The following POLN variants were observed in gnomAD, a reference collection of about 807,000 sequenced individuals.
The protein encoded by POLN is DNA polymerase N.
A neutral mutation model predicts 113.5 loss-of-function variants in POLN; 108 were observed. The ratio of observed to expected loss-of-function variants is 0.95; its 90% CI spans 0.81 to 1.12. The LOEUF (loss-of-function observed/expected upper bound fraction) is 1.12. Among genes scored for constraint, POLN ranks in the 50% most tolerant of loss-of-function variants. POLN has a pLI of 0.00. For missense variants in POLN, 1,097 were observed against 1,077.1 expected, an observed-to-expected ratio of 1.02 and a Z score of -0.26; for synonymous variants, 386 against 391.5, an observed-to-expected ratio of 0.99 and a Z score of 0.17.
intron 13 of POLN, among the ~76,000 whole-genome samples, chr4:2,160,379 C>T (rs1051267152): frequency 1.1e-4 from 16 of 148,444 alleles, no homozygotes; most frequent in East Asian, 3.9e-4. Flanking sequence ...TTGGAAATAT[C>T]TTCTCTCCTT....
At chr4:2,184,868 A>T (rs563778266) in intron 7 of POLN, among the ~76,000 whole-genome samples, 182 of 152,314 alleles carry the variant, frequency 1.2e-3, no homozygotes, top group Admixed American at 2.0e-3. Context: ...TTAAATCCAT[A>T]TGCTCATAAT....
intron 7 of POLN, among the ~76,000 whole-genome samples, chr4:2,191,646 G>A (rs973896247): frequency 2.0e-4 from 31 of 151,372 alleles, no homozygotes; most frequent in South Asian, 8.3e-4. Context: ...TTTTTAGAAG[G>A]AAAAAAAAGA....
At chr4:2,097,712 C>T (rs1418070144) in intron 19 of POLN, among the ~76,000 whole-genome samples, 2 of 152,146 alleles carry the variant, frequency 1.3e-5, no homozygotes. Context: ...GCTTGTTCCC[C>T]AGACTGGTCT....
At chr4:2,100,166 C>G (rs1393381047) in intron 19 of POLN, among the ~76,000 whole-genome samples, 1 of 151,590 alleles carries the variant, frequency 6.6e-6, no homozygotes, top group Non-Finnish European at 1.5e-5. Flanking sequence ...GATTTTAAGT[C>G]ATAAAATTGC....
chr4:2,226,753 G>A (rs190178507), intron 3 of POLN, among the ~76,000 whole-genome samples: 2 of 152,236 alleles, frequency 1.3e-5, no homozygotes, highest in Admixed American at 1.3e-4. Context: ...AAGTAAATAT[G>A]TGTAGTTTAT....
Position 2,100,086 on chromosome 4 carries a change from G to GA in POLN, c.1983-4154dup, listed in dbSNP as rs757827215. On this transcript the variant is annotated intron_variant, in intron 19 of 25. Transcript: ENST00000511885. ...CCCTGTCTCAAAAAAGAAAAAAAAA[G>GA]AAAAAGAAAAAAGAGAGAGAGAGAT... is the stretch of plus-strand genomic sequence containing the variant. 1.5e-4 allele frequency among the ~76,000 whole-genome samples: 22 copies of GA among 145,094 alleles called. No homozygotes were observed. The South Asian group carries it at 1.9e-3, about 13-fold the overall frequency.
intron 3 of POLN, among the ~76,000 whole-genome samples, chr4:2,226,895 A>G (rs1287013847): frequency 6.6e-6 from 1 of 152,242 alleles, no homozygotes; most frequent in Non-Finnish European, 1.5e-5. Flanking sequence ...AAGAATCCAG[A>G]GTCAATTAAA....
intron 21 of POLN, 83 bp from the exon 22 acceptor site, chr4:2,081,826 CCA>C: frequency 8.5e-7 from 1 of 1,174,048 alleles, no homozygotes; most frequent in Non-Finnish European, 1.3e-6. Flanking sequence ...GGTCCAGAGG[CCA>C]CAGAGGGACA....
At chr4:2,128,076 T>C (rs112028615) in intron 19 of POLN, 37 bp downstream of exon 19, 1 of 1,329,830 alleles carries the variant, frequency 7.5e-7, no homozygotes, top group Non-Finnish European at 1.1e-6. Context: ...TTGGCCTTCC[T>C]GCAGATCTGA....
intron 16 of POLN, among the ~76,000 whole-genome samples, chr4:2,153,780 T>C (rs1483278356): frequency 6.6e-6 from 1 of 151,464 alleles, no homozygotes. Context: ...GAGACGGGGT[T>C]TCACTGTGTA....
intron 8 of POLN, 83 bp downstream of exon 8, chr4:2,179,225 T>C (rs1733071827): frequency 7.8e-7 from 1 of 1,276,504 alleles, no homozygotes; most frequent in Non-Finnish European, 1.1e-6. Context: ...CTTTTTACTA[T>C]TAGGCTATCA....
intron 21 of POLN, among the ~76,000 whole-genome samples, chr4:2,082,080 G>A (rs947848723): frequency 2.7e-5 from 4 of 150,604 alleles, no homozygotes; most frequent in African/African-American, 9.8e-5. Flanking sequence ...TCAGCCTCCT[G>A]AGTAGCTGGG....
intron 19 of POLN, among the ~76,000 whole-genome samples, chr4:2,096,679 C>T (rs868096976): frequency 1.2e-4 from 10 of 84,292 alleles, no homozygotes; most frequent in South Asian, 3.9e-4. Context: ...ATTCAGAAGC[C>T]GAGAGAAAGA....
intron 16 of POLN, among the ~76,000 whole-genome samples, chr4:2,144,530 T>G (rs949791805): frequency 2.5e-4 from 38 of 152,304 alleles, no homozygotes; most frequent in Non-Finnish European, 4.4e-4. Context: ...CCAGCTATTA[T>G]GAAAAATGCT....
intron 16 of POLN, among the ~76,000 whole-genome samples, chr4:2,150,348 GA>G (rs1217103216): frequency 6.6e-6 from 1 of 151,728 alleles, no homozygotes; most frequent in Non-Finnish European, 1.5e-5. Context: ...TCAAAGCAGA[GA>G]ACAATACCAG....
intron 19 of POLN, among the ~76,000 whole-genome samples, chr4:2,103,701 G>A (rs1466350791): frequency 3.3e-5 from 5 of 152,148 alleles, no homozygotes; most frequent in African/African-American, 4.8e-5. Context: ...TCTAAAGTCC[G>A]CAAGAGAGAA....
chr4:2,096,127 C>T (rs192491928), intron 19 of POLN, among the ~76,000 whole-genome samples, 194 bp from the exon 20 acceptor site: 188 of 152,306 alleles, frequency 1.2e-3, no homozygotes, highest in Non-Finnish European at 1.3e-3. Context: ...CAGATGCCTT[C>T]GGCGAGGCTG....
At position 2,127,287 on chromosome 4, in the gene POLN, C is replaced by T. The variant is rs1731607286; in HGVS notation, c.1982+826G>A. ...CAACAGCCAGCACACACTTCCCCCT[C>T]CCCTTCCTCAAAGGGGCACTGATGC... On this transcript the variant is annotated intron_variant, in intron 19 of 25. Transcript: ENST00000511885. This position sits in a 1 kb window ranked among gnomAD's most constrained non-coding sequence, Gnocchi z 4.7. Among the ~76,000 whole-genome samples, 3 of 152,102 alleles carry T rather than the reference C, an allele frequency of 2.0e-5. No individual in the cohort carries two copies. The highest frequency in any genetic ancestry group is 2.0e-4 in the Admixed American group (3 of 15,272).
intron 16 of POLN, among the ~76,000 whole-genome samples, chr4:2,135,316 C>A (rs944624103): frequency 1.3e-5 from 2 of 152,176 alleles, no homozygotes; most frequent in African/African-American, 4.8e-5. Flanking sequence ...CTGTAACCAA[C>A]CTTCATGGGC....
Sources: gnomAD v4.1 joint callset for allele counts (sites outside exome capture counted in the v4.1 genomes callset) on GRCh38, gnomAD v4.1.1 for gene constraint, Gnocchi (gnomAD v3.1) non-coding constraint, MANE v1.5 for transcripts, NCBI Gene and HGNC (gene_info 2026-07-23, HGNC 2026-07-21) for gene names.